ZNF396: variants seen among roughly 807,000 people sequenced by gnomAD.
The protein encoded by ZNF396 is zinc finger protein 396.
ZNF396 carries 14 observed loss-of-function variants against 20.5 expected under a neutral mutation model. The ratio of observed to expected loss-of-function variants is 0.68; its 90% CI spans 0.45 to 1.07. The LOEUF is 1.07. Ranked by LOEUF, ZNF396 falls within the 50% of genes least tolerant of loss-of-function variation. The probability of loss-of-function intolerance (pLI) is 0.00; values close to 1 mark genes in which losing one functional copy is unlikely to be tolerated. For missense variants in ZNF396, 347 were observed against 390.1 expected, an observed-to-expected ratio of 0.89 and a Z score of 0.93; for synonymous variants, 119 against 140.6, an observed-to-expected ratio of 0.85 and a Z score of 1.08.
intron 3 of ZNF396, among the ~76,000 whole-genome samples, chr18:35,371,406 T>A (rs2045177915): frequency 1.3e-5 from 2 of 152,254 alleles, no homozygotes; most frequent in African/African-American, 4.8e-5. Flanking sequence ...GTCCATTTTC[T>A]GTTGTTTAGA....
chr18:35,367,043 T>A lies in ZNF396; in HGVS notation c.*2172A>T, dbSNP rs1022762987. The A allele has an allele frequency of 1.3e-5, 2 of 152,184 alleles. No homozygotes were observed. Among genetic ancestry groups the A allele is most frequent in the African/African-American group, 2.4e-5 (1 of 41,434 alleles). The allele number at this position is 152,184 out of a possible 1,614,324, so 9.4% of individuals were successfully genotyped here. A position where few individuals can be genotyped will look rare whatever the true frequency, so the allele number is the denominator to read the frequency against. ...TCTGCCATCTTATTCACATAGAACC[T>A]AAGAAACTCTTTCCGTAATTAAGCA... On this transcript the variant is annotated 3_prime_UTR_variant, in exon 4 of 4. Coordinates refer to ENST00000589332, the MANE Select transcript of ZNF396 (RefSeq NM_001322286.2).
At position 35,369,621 on chromosome 18, in the gene ZNF396, C is replaced by G. The variant is rs371299934; in HGVS notation, c.602G>C (p.Arg201Thr). The part of the protein sequence containing the change: ...IKTTNVKSAS[R>T]QKTSLGIELH... ...TTCTATGCCTAAAGAAGTCTTTTGC[C>G]TTGAAGCAGATTTCACATTTGTAGT... The change falls in exon 4 of 4, where the codon AGG becomes ACG. Residue 201 changes from arginine to threonine, a missense_variant. Arg to Thr is a moderately conservative substitution (Grantham distance 71). Transcript: ENST00000589332. 46 of 1,606,168 alleles carry G rather than the reference C, an allele frequency of 2.9e-5. No individual in the cohort carries two copies. Among genetic ancestry groups the G allele is most frequent in the Non-Finnish European group, 3.5e-5 (41 of 1,177,610 alleles).
chr18:35,373,764 CT>C (rs2143908666), intron 2 of ZNF396, 111 bp downstream of exon 2: 1 of 1,504,068 alleles, frequency 6.6e-7, no homozygotes, highest in African/African-American at 1.4e-5. Context: ...ACTTTCACCC[CT>C]ATACATCCAG....
intron 3 of ZNF396, chr18:35,371,974 G>T (rs2045187060): frequency 6.6e-6 from 1 of 152,168 alleles, no homozygotes; most frequent in Non-Finnish European, 1.5e-5. Flanking sequence ...ACAGTACTGA[G>T]ACCAAGATCA....
At position 35,368,261 on chromosome 18, in the gene ZNF396, A is replaced by C. The variant is rs1174377315; in HGVS notation, c.*954T>G. On this transcript the variant is annotated 3_prime_UTR_variant, in exon 4 of 4. Transcript: ENST00000589332. Reference sequence around the variant, plus strand: ...TTGACTTATTTCCAAATTACATTGCAAAGGAGATTATTTTTTTCCAACACG... The same window carrying C: ...TTGACTTATTTCCAAATTACATTGCCAAGGAGATTATTTTTTTCCAACACG... 6.0e-6 allele frequency: 4 copies of C among 664,838 alleles called. No individual in the cohort carries two copies. Among genetic ancestry groups the C allele is most frequent in the African/African-American group, 5.6e-5 (3 of 53,244 alleles). The allele number at this position is 664,838 out of a possible 1,614,324, so 41.2% of individuals were successfully genotyped here.
At position 35,369,280 on chromosome 18, in the gene ZNF396, C is replaced by T. The variant is rs1212518459; in HGVS notation, c.943G>A (p.Ala315Thr). The T allele has an allele frequency of 6.2e-7, 1 of 1,613,874 alleles. No homozygotes were observed. The highest frequency in any genetic ancestry group is 1.3e-5 in the African/African-American group (1 of 75,012). ...AAAAGATTTGAGCTCTGACTAAAGG[C>T]TTTGCCACAGTCATGACACTTGTAG... Reference protein sequence around the residue: ...KPYKCHDCGKAFSQSSNLFRH... With the variant: ...KPYKCHDCGKTFSQSSNLFRH... Residue 315 changes from alanine (A) to threonine (T), a missense_variant, in exon 4 of 4, where the codon GCC becomes ACC. By Grantham distance (58) the Ala-to-Thr change is moderately conservative. Coordinates refer to ENST00000589332, the MANE Select transcript of ZNF396 (RefSeq NM_001322286.2).
intron 1 of ZNF396, among the ~76,000 whole-genome samples, chr18:35,376,587 C>T (rs988628627): frequency 1.3e-5 from 2 of 152,126 alleles, no homozygotes; most frequent in Non-Finnish European, 2.9e-5. Flanking sequence ...GGCAGGCAGC[C>T]GCGCTCCCAG....
At position 35,373,591 on chromosome 18, in the gene ZNF396, C is replaced by CA; in HGVS notation, c.426dup (p.Gly143TrpfsTer18). 1 of 1,612,122 alleles carries CA rather than the reference C, an allele frequency of 6.2e-7. No individual in the cohort carries two copies. Among genetic ancestry groups the CA allele is most frequent in the Non-Finnish European group, 8.5e-7 (1 of 1,179,458 alleles). On this transcript the variant is annotated frameshift_variant, in exon 3 of 4. Coordinates refer to ENST00000589332, the MANE Select transcript of ZNF396 (RefSeq NM_001322286.2). LOFTEE classifies it high-confidence loss of function. ...TCTGCAATCATGTCCTTCCTTCGTC[C>CA]AAAAAAGATCTAAAAACAGGAATAA...
rs1165830566 is a variant in ZNF396 at position 35,369,505 on chromosome 18, T to C, written c.718A>G (p.Lys240Glu). 1.2e-6 allele frequency: 2 copies of C among 1,614,140 alleles called. No individual in the cohort carries two copies. Among genetic ancestry groups the C allele is most frequent in the South Asian group, 1.1e-5 (1 of 91,082 alleles). ...GTYEQDGRFE[K>E]RQGNPSWKKQ... ...TTCCAAGAAGGGTTTCCTTGTCTCT[T>C]TTCAAACCTACCATCTTGTTCATAG... Residue 240 changes from lysine (K) to glutamate (E), a missense_variant, in exon 4 of 4, where the codon AAG becomes GAG. Physicochemically the swap from Lys to Glu is moderately conservative, Grantham distance 56. Transcript: ENST00000589332.
At chr18:35,372,737 T>C (rs1395089748) in intron 3 of ZNF396, 10 of 152,190 alleles carry the variant, frequency 6.6e-5, no homozygotes, top group Admixed American at 4.6e-4. Flanking sequence ...TCAAATGAAA[T>C]TTTACATTGA....
intron 1 of ZNF396, 133 bp downstream of exon 1, chr18:35,377,145 G>A (rs1162337351): frequency 1.3e-5 from 2 of 152,562 alleles, no homozygotes; most frequent in African/African-American, 4.8e-5. Context: ...GACGGTGTAA[G>A]GGTGCTGCAC....
chr18:35,376,263 A>G (rs1426087822), intron 1 of ZNF396: 1 of 152,234 alleles, frequency 6.6e-6, no homozygotes, highest in East Asian at 1.9e-4. Context: ...ACTTTACACA[A>G]TGATGTGCTA....
chr18:35,369,481 T>A lies in ZNF396; in HGVS notation c.742A>T (p.Lys248Ter). Residue 248 changes from lysine (K) to a stop codon, truncating the protein, a stop_gained, in exon 4 of 4, where the codon AAA (lysine) becomes TAA (stop). Transcript: ENST00000589332. LOFTEE classifies it low-confidence loss of function (END_TRUNC). ...CATTCATCACATTTCTGTTGTTTTTTCCAAGAAGGGTTTCCTTGTCTCTTT... is the reference window on the plus strand; with the variant it reads ...CATTCATCACATTTCTGTTGTTTTTACCAAGAAGGGTTTCCTTGTCTCTTT... ...FEKRQGNPSW[K>*]KQQKCDECGK... 1 of 1,614,242 alleles carries A rather than the reference T, an allele frequency of 6.2e-7. No individual in the cohort carries two copies. The highest frequency in any genetic ancestry group is 8.5e-7 in the Non-Finnish European group (1 of 1,180,046).
In ZNF396 at chr18:35,369,364, C is replaced by T; in HGVS notation, c.859G>A (p.Ala287Thr). The T allele has an allele frequency of 1.2e-6, 2 of 1,614,202 alleles. No individual in the cohort carries two copies. Among genetic ancestry groups the T allele is most frequent in the Non-Finnish European group, 1.7e-6 (2 of 1,180,036 alleles). Residue 287 changes from alanine to threonine, a missense_variant, in exon 4 of 4, where the codon GCA becomes ACA. Ala to Thr is a moderately conservative substitution (Grantham distance 58, BLOSUM62 0). Transcript: ENST00000589332. Reference protein sequence around the residue: ...KPYACDECAKAFSRSAILIQH... With the variant: ...KPYACDECAKTFSRSAILIQH... The stretch of plus-strand genomic sequence containing the variant: ...ATCAGAATTGCGCTTCGGCTGAATG[C>T]CTTTGCACACTCGTCACATGCATAA...
At position 35,367,976 on chromosome 18, in the gene ZNF396, G is replaced by A. The variant is rs1275671893; in HGVS notation, c.*1239C>T. ...TTCATAGTTGATTTATGCCAGAAAA[G>A]GGGACACTGAAAGTATTGTCATCAG... On this transcript the variant is annotated 3_prime_UTR_variant, in exon 4 of 4. Transcript: ENST00000589332. 1 of 154,148 alleles carries A rather than the reference G, an allele frequency of 6.5e-6. No homozygotes were observed. Among genetic ancestry groups the A allele is most frequent in the Admixed American group, 6.5e-5 (1 of 15,338 alleles). 9.5% of individuals were successfully genotyped at this position (154,148 alleles called of 1,614,324 possible).
chr18:35,369,755 A>C (rs118082718), intron 3 of ZNF396, 95 bp from the exon 4 acceptor site: 24,962 of 1,262,232 alleles, frequency 0.02, 321 homozygotes, highest in Middle Eastern at 0.026. Flanking sequence ...AACAACACAC[A>C]ATGTGAAGGA....
At chr18:35,371,007 G>A (rs1006700379) in intron 3 of ZNF396, among the ~76,000 whole-genome samples, 2 of 152,196 alleles carry the variant, frequency 1.3e-5, no homozygotes, top group Non-Finnish European at 2.9e-5. Flanking sequence ...GATGATAAGT[G>A]ATTCCCTGGG....
rs1258829071 is a variant in ZNF396 at position 35,367,191 on chromosome 18, A to G, written c.*2024T>C. 1.3e-5 allele frequency: 2 copies of G among 152,258 alleles called. No individual in the cohort carries two copies. Among genetic ancestry groups the G allele is most frequent in the African/African-American group, 2.4e-5 (1 of 41,464 alleles). 9.4% of individuals were successfully genotyped at this position (152,258 alleles called of 1,614,324 possible). A position where few individuals can be genotyped will look rare whatever the true frequency, so the allele number is the denominator to read the frequency against. On this transcript the variant is annotated 3_prime_UTR_variant, in exon 4 of 4. Coordinates refer to ENST00000589332, the MANE Select transcript of ZNF396 (RefSeq NM_001322286.2). Reference sequence around the variant, plus strand: ...TATCCTACATTTTTAGTGACTCAAGATACACACAACTCAATATAAAATTCA... The same window carrying G: ...TATCCTACATTTTTAGTGACTCAAGGTACACACAACTCAATATAAAATTCA...
Position 35,374,128 on chromosome 18 carries a change from G to T in ZNF396, c.165C>A (p.Phe55Leu). Residue 55 changes from phenylalanine (F) to leucine (L), a missense_variant, in exon 2 of 4, where the codon TTC becomes TTA. Coordinates refer to ENST00000589332, the MANE Select transcript of ZNF396 (RefSeq NM_001322286.2). This position sits in a 1 kb window ranked among gnomAD's most constrained non-coding sequence, Gnocchi z 4.3. ...GTGAATCCTGGTAGCCAAACTGCCT[G>T]AATTGCTGGCGGAAGGTCTCTGGGC... The part of the protein sequence containing the change: ...SYSPETFRQQ[F>L]RQFGYQDSPG... 1 of 1,614,256 alleles carries T rather than the reference G, an allele frequency of 6.2e-7. No homozygotes were observed.
Sources: gnomAD v4.1 joint callset for allele counts (sites outside exome capture counted in the v4.1 genomes callset) on GRCh38, gnomAD v4.1.1 for gene constraint, Gnocchi (gnomAD v3.1) non-coding constraint, MANE v1.5 for transcripts, NCBI Gene and HGNC (gene_info 2026-07-23, HGNC 2026-07-21) for gene names.